The following JPH3 variants were observed in gnomAD, a reference collection of about 807,000 sequenced individuals.
The protein encoded by JPH3 is junctophilin 3.
JPH3 carries 11 observed loss-of-function variants against 59.6 expected under a neutral mutation model. That is an observed-to-expected ratio of 0.18 (90% CI 0.12 to 0.31). JPH3 has a LOEUF of 0.31. Ranked by LOEUF, JPH3 falls within the 10% of genes least tolerant of loss-of-function variation. The pLI is 1.00. For missense variants in JPH3, 1,202 were observed against 1,105.7 expected (o/e 1.09, Z -1.24); for synonymous variants, 673 against 483.6 (o/e 1.39, Z -5.14).
intron 4 of JPH3, among the ~76,000 whole-genome samples, chr16:87,692,449 G>A (rs1182849049): frequency 1.3e-5 from 2 of 152,236 alleles, no homozygotes; most frequent in African/African-American, 4.8e-5. Context: ...GCTCTCTGCA[G>A]TGTCTCCCCT....
intron 1 of JPH3, among the ~76,000 whole-genome samples, chr16:87,616,383 G>A (rs561218432): frequency 4.6e-5 from 7 of 150,724 alleles, no homozygotes; most frequent in South Asian, 2.1e-4. Flanking sequence ...ACAGGCGCCC[G>A]CCACCACGCC....
intron 1 of JPH3, among the ~76,000 whole-genome samples, chr16:87,637,422 T>TGTGTGTG (rs2031791331): frequency 1.4e-5 from 2 of 147,502 alleles, no homozygotes; most frequent in African/African-American, 5.0e-5. Context: ...GTGTGTGTGT[T>TGTGTGTG]TGTGTGTGTG....
chr16:87,644,194 C>T (rs139592549), intron 1 of JPH3, 64 bp from the exon 2 acceptor site: 28,009 of 1,505,500 alleles, frequency 0.019, 292 homozygotes, highest in Non-Finnish European at 0.022. Flanking sequence ...CAACCCTGTC[C>T]GTGGCCAGGC....
chr16:87,682,016 TAC>T (rs1597287683), intron 2 of JPH3, among the ~76,000 whole-genome samples: 1 of 151,578 alleles, frequency 6.6e-6, no homozygotes, highest in Non-Finnish European at 1.5e-5. Context: ...AAACTTTGAG[TAC>T]AGTTTCAGGA....
chr16:87,612,413 T>C (rs929040029), intron 1 of JPH3, among the ~76,000 whole-genome samples: 20 of 151,788 alleles, frequency 1.3e-4, no homozygotes, highest in African/African-American at 4.8e-4. Flanking sequence ...TGAGCAACTT[T>C]TTTACAGGAT....
At chr16:87,646,629 T>G (rs553489326) in intron 2 of JPH3, among the ~76,000 whole-genome samples, 2 of 152,356 alleles carry the variant, frequency 1.3e-5, no homozygotes, top group East Asian at 3.9e-4. Flanking sequence ...TTTGGTGAAT[T>G]TCTTTCCTCT....
At chr16:87,616,151 C>A (rs1351573700) in intron 1 of JPH3, among the ~76,000 whole-genome samples, 1 of 148,946 alleles carries the variant, frequency 6.7e-6, no homozygotes, top group Non-Finnish European at 1.5e-5. Context: ...CCGGGAACGA[C>A]ATTGTCTGAT....
intron 1 of JPH3, among the ~76,000 whole-genome samples, chr16:87,639,038 C>A (rs780039830): frequency 1.3e-5 from 2 of 152,192 alleles, no homozygotes; most frequent in African/African-American, 2.4e-5. Context: ...CTGCCGCTTC[C>A]GCTTCCTGGC....
At chr16:87,670,118 C>T (rs2032976218) in intron 2 of JPH3, among the ~76,000 whole-genome samples, 1 of 152,128 alleles carries the variant, frequency 6.6e-6, no homozygotes, top group Non-Finnish European at 1.5e-5. Flanking sequence ...CTGACGGAGA[C>T]TCCCCCACCC....
chr16:87,695,657 G>C (rs1213338708), intron 4 of JPH3: 3 of 455,968 alleles, frequency 6.6e-6, no homozygotes, highest in Non-Finnish European at 1.3e-5. Flanking sequence ...CTGTGCAGCA[G>C]GTACTGTATC....
chr16:87,640,140 A>C (rs1191577878), intron 1 of JPH3, among the ~76,000 whole-genome samples: 1 of 152,100 alleles, frequency 6.6e-6, no homozygotes, highest in East Asian at 2.0e-4. Flanking sequence ...CATCCTGGCC[A>C]ACATGGTGAA....
intron 2 of JPH3, among the ~76,000 whole-genome samples, chr16:87,659,076 C>T (rs766209337): frequency 3.4e-4 from 52 of 152,122 alleles, no homozygotes; most frequent in South Asian, 2.1e-4. Flanking sequence ...GGCTTTGTCG[C>T]GACGGCTGCT....
intron 4 of JPH3, chr16:87,694,628 T>C (rs1409904786): frequency 6.6e-6 from 1 of 152,656 alleles, no homozygotes; most frequent in African/African-American, 2.4e-5. Context: ...GCTGACTTCA[T>C]GCGGGATGTC....
chr16:87,698,028 T>C lies in JPH3; in HGVS notation c.*1368T>C, dbSNP rs1474810930. 6.6e-6 allele frequency: 1 copy of C among 152,666 alleles called. No individual in the cohort carries two copies. The highest frequency in any genetic ancestry group is 1.9e-4 in the East Asian group (1 of 5,188). The allele number at this position is 152,666 out of a possible 1,614,324, so 9.5% of individuals were successfully genotyped here. ...CTTGGGGCCAGCCCGTCTTATGGAC[T>C]CTGCCTTGCTTTGCTTATGTTTAGC... On this transcript the variant is annotated 3_prime_UTR_variant, in exon 5 of 5. Coordinates refer to ENST00000284262, the MANE Select transcript of JPH3 (RefSeq NM_020655.4).
At chr16:87,604,590 T>C (rs2030439150) in intron 1 of JPH3, 2 of 1,223,426 alleles carry the variant, frequency 1.6e-6, no homozygotes, top group East Asian at 1.0e-4. Context: ...GACGCAGCAA[T>C]GACTTGTGCT....
At chr16:87,626,856 A>G (rs1448261886) in intron 1 of JPH3, among the ~76,000 whole-genome samples, 2 of 152,234 alleles carry the variant, frequency 1.3e-5, no homozygotes, top group Admixed American at 6.5e-5. Flanking sequence ...TCATGTAAAT[A>G]GAGGAGGGCA....
chr16:87,627,607 C>A (rs1173781610), intron 1 of JPH3, among the ~76,000 whole-genome samples: 1 of 152,212 alleles, frequency 6.6e-6, no homozygotes, highest in African/African-American at 2.4e-5. Context: ...CATCTGGCTG[C>A]AGCTCCCAGG....
intron 2 of JPH3, 161 bp from the exon 3 acceptor site, chr16:87,683,981 A>G (rs1567613442): frequency 6.5e-6 from 4 of 613,488 alleles, no homozygotes; most frequent in Non-Finnish European, 8.8e-6. Context: ...GAATGAATGA[A>G]TGAATGAACG....
At chr16:87,628,252 G>A (rs967639981) in intron 1 of JPH3, among the ~76,000 whole-genome samples, 1 of 152,266 alleles carries the variant, frequency 6.6e-6, no homozygotes, top group Non-Finnish European at 1.5e-5. Flanking sequence ...GGCATGGGCG[G>A]GTCAGAAGGA....
Sources: gnomAD v4.1 joint callset for allele counts (sites outside exome capture counted in the v4.1 genomes callset) on GRCh38, gnomAD v4.1.1 for gene constraint, MANE v1.5 for transcripts, NCBI Gene and HGNC (gene_info 2026-07-23, HGNC 2026-07-21) for gene names.